SEPTIN1: variants seen among roughly 807,000 people sequenced by gnomAD.
The protein encoded by SEPTIN1 is septin-1.
In SEPTIN1, 52 loss-of-function variants were observed where a neutral mutation model predicts 50.7. That is an observed-to-expected ratio of 1.03 (90% CI 0.82 to 1.29). SEPTIN1 has a LOEUF of 1.29. Ranked by LOEUF, SEPTIN1 falls within the 50% of genes most tolerant of loss-of-function variation. SEPTIN1 has a pLI of 0.00. For missense variants in SEPTIN1, 455 were observed against 490.7 expected, an observed-to-expected ratio of 0.93 and a Z score of 0.69; for synonymous variants, 204 against 189.1, an observed-to-expected ratio of 1.08 and a Z score of -0.65.
chr16:30,382,778 T>C (rs1268834135), upstream of SEPTIN1: 3 of 1,535,866 alleles, frequency 2.0e-6, no homozygotes, highest in South Asian at 2.4e-5. The surrounding 1 kb of genome is among the most constrained non-coding windows in gnomAD (Gnocchi z 4.8). Context: ...CAAGTCCCAC[T>C]GTAGCTCCAT....
At position 30,381,127 on chromosome 16, in the gene SEPTIN1, C is replaced by A. The variant is rs2049841273; in HGVS notation, c.573G>T (p.Lys191Asn). ...AAAGGTCAGAGGTCATCACTCACAC[C>A]TTCTGCTTGAGGGCCTGGGTTTCCT... is the stretch of plus-strand genomic sequence containing the variant. ...MPQETQALKQ[K>N]IRDQLKEEEI... The change falls in exon 6 of 11, where the codon AAG becomes AAT. Residue 191 changes from lysine (K) to asparagine (N), a missense_variant and splice_region_variant. Coordinates refer to ENST00000321367, the MANE Select transcript of SEPTIN1 (RefSeq NM_001365977.2). The surrounding 1 kb of genome is among the most constrained non-coding windows in gnomAD (Gnocchi z 4.3). 1.2e-6 allele frequency: 2 copies of A among 1,611,956 alleles called. No individual in the cohort carries two copies. The highest frequency in any genetic ancestry group is 1.7e-6 in the Non-Finnish European group (2 of 1,178,024).
chr16:30,379,271 C>T, intron 8 of SEPTIN1, 88 bp from the exon 9 acceptor site: 1 of 1,544,760 alleles, frequency 6.5e-7, no homozygotes, highest in Non-Finnish European at 8.9e-7. Flanking sequence ...GAAAGTCCTG[C>T]TGCCACTCTA....
Position 30,382,326 on chromosome 16 carries a change from G to T in SEPTIN1, c.58C>A (p.Leu20Met), listed in dbSNP as rs1479074865. The T allele has an allele frequency of 4.3e-6, 7 of 1,613,688 alleles. No homozygotes were observed. Among genetic ancestry groups the T allele is most frequent in the African/African-American group, 1.3e-5 (1 of 74,904 alleles). ...YVGFAALPNQ[L>M]HRKSVKKGFD... ...CCCTTCTTGACAGACTTGCGGTGCAGCTGGTTGGGGAGGGCAGCAAAACCC... is the reference window on the plus strand; with the variant it reads ...CCCTTCTTGACAGACTTGCGGTGCATCTGGTTGGGGAGGGCAGCAAAACCC... Residue 20 changes from leucine to methionine, a missense_variant, in exon 2 of 11, where the codon CTG becomes ATG. Coordinates refer to ENST00000321367, the MANE Select transcript of SEPTIN1 (RefSeq NM_001365977.2). This position sits in a 1 kb window ranked among gnomAD's most constrained non-coding sequence, Gnocchi z 4.8.
rs1384833226 is a variant in SEPTIN1, at chr16:30,379,491, C to T, written c.719G>A (p.Arg240Lys). ...CCTCACCGGCCGGTTCCCGCCATCC[C>T]TCACCACCTCGCATGATCCCACGAC... The part of the protein sequence containing the change: ...FAVVGSCEVV[R>K]DGGNRPVRGR... The change falls in exon 8 of 11, where the codon AGG (arginine) becomes AAG (lysine). Residue 240 changes from arginine (R) to lysine (K), a missense_variant. Physicochemically the swap from Arg to Lys is conservative, Grantham distance 26. Transcript: ENST00000321367. 1.2e-6 allele frequency: 2 copies of T among 1,614,004 alleles called. No individual in the cohort carries two copies. The highest frequency in any genetic ancestry group is 2.2e-5 in the East Asian group (1 of 44,880).
upstream of SEPTIN1, chr16:30,382,709 C>T (rs1301773736): frequency 5.9e-6 from 9 of 1,534,486 alleles, no homozygotes; most frequent in East Asian, 4.9e-5. This position sits in a 1 kb window ranked among gnomAD's most constrained non-coding sequence, Gnocchi z 4.8. Flanking sequence ...CTCCTGGACC[C>T]CTTTGCCCAT....
upstream of SEPTIN1, chr16:30,382,637 C>G: frequency 6.5e-7 from 1 of 1,542,324 alleles, no homozygotes; most frequent in Non-Finnish European, 8.7e-7. This position sits in a 1 kb window ranked among gnomAD's most constrained non-coding sequence, Gnocchi z 4.8. Flanking sequence ...CTGAGATGCT[C>G]AAACTGGCCC....
chr16:30,380,979 G>T, intron 6 of SEPTIN1, 148 bp downstream of exon 6: 1 of 735,426 alleles, frequency 1.4e-6, no homozygotes. Flanking sequence ...TATGCTGGCG[G>T]CTTACCACCC....
At position 30,382,043 on chromosome 16, in the gene SEPTIN1, G is replaced by A; in HGVS notation, c.196+50C>T. 6.3e-7 allele frequency: 1 copy of A among 1,586,538 alleles called. No homozygotes were observed. The highest frequency in any genetic ancestry group is 8.6e-7 in the Non-Finnish European group (1 of 1,163,212). ...GTCCCCAGATGGAAAAGACTAGGGT[G>A]TAACCTGGGGACAGGGGCTACTGCC... On this transcript the variant is annotated intron_variant, in intron 3 of 10. Coordinates refer to ENST00000321367, the MANE Select transcript of SEPTIN1 (RefSeq NM_001365977.2). The surrounding 1 kb of genome is among the most constrained non-coding windows in gnomAD (Gnocchi z 4.8).
chr16:30,378,318 C>G lies in SEPTIN1; in HGVS notation c.*116G>C, dbSNP rs1340425041. 5.8e-6 allele frequency: 6 copies of G among 1,035,356 alleles called. No homozygotes were observed. Among genetic ancestry groups the G allele is most frequent in the African/African-American group, 1.6e-5 (1 of 61,542 alleles). 64.1% of individuals were successfully genotyped at this position (1,035,356 alleles called of 1,614,324 possible). On this transcript the variant is annotated 3_prime_UTR_variant, in exon 11 of 11. Transcript: ENST00000321367. ...AGGCTGGGAGAACCTCCCCCTAGCCCGCGCGAGGGCGGCACCCGCGGAGGT... is the reference window on the plus strand; with the variant it reads ...AGGCTGGGAGAACCTCCCCCTAGCCGGCGCGAGGGCGGCACCCGCGGAGGT...
Position 30,381,498 on chromosome 16 carries a change from G to A in SEPTIN1, c.321-25C>T. 1 of 1,613,688 alleles carries A rather than the reference G, an allele frequency of 6.2e-7. No homozygotes were observed. Among genetic ancestry groups the A allele is most frequent in the Non-Finnish European group, 8.5e-7 (1 of 1,179,850 alleles). Reference sequence around the variant, plus strand: ...GCTGGGTGTGGGGAGAGGATGTGAGGTCAGAGATCAAAGGCCAGAGGGCAG... The same window carrying A: ...GCTGGGTGTGGGGAGAGGATGTGAGATCAGAGATCAAAGGCCAGAGGGCAG... On this transcript the variant is annotated intron_variant, in intron 4 of 10. Transcript: ENST00000321367. This position sits in a 1 kb window ranked among gnomAD's most constrained non-coding sequence, Gnocchi z 4.3.
In SEPTIN1 at chr16:30,381,692, G is replaced by A; in HGVS notation, c.320+68C>T. The A allele has an allele frequency of 6.3e-7, 1 of 1,595,266 alleles. No homozygotes were observed. Among genetic ancestry groups the A allele is most frequent in the East Asian group, 2.2e-5 (1 of 44,760 alleles). On this transcript the variant is annotated intron_variant, in intron 4 of 10. Coordinates refer to ENST00000321367, the MANE Select transcript of SEPTIN1 (RefSeq NM_001365977.2). The surrounding 1 kb of genome is among the most constrained non-coding windows in gnomAD (Gnocchi z 4.3). ...TGAGATAGGGAGCCAGCACAAACCA[G>A]TCCTGTAACTCTCCAGGGAGTCGCC...
Position 30,378,362 on chromosome 16 carries a change from G to T in SEPTIN1, c.*72C>A. On this transcript the variant is annotated 3_prime_UTR_variant, in exon 11 of 11. Coordinates refer to ENST00000321367, the MANE Select transcript of SEPTIN1 (RefSeq NM_001365977.2). ...CGGAGGTCCCGGGGGGCGCTGGGCA[G>T]TGTGGGGCGCGGGGATTGGACAAGA... 7.2e-7 allele frequency: 1 copy of T among 1,393,058 alleles called. No homozygotes were observed. The highest frequency in any genetic ancestry group is 9.6e-7 in the Non-Finnish European group (1 of 1,042,776). 86.3% of individuals were successfully genotyped at this position (1,393,058 alleles called of 1,614,324 possible). A position where few individuals can be genotyped will look rare whatever the true frequency, so the allele number is the denominator to read the frequency against.
chr16:30,380,370 T>G, intron 6 of SEPTIN1: 1 of 161,078 alleles, frequency 6.2e-6, no homozygotes, highest in Non-Finnish European at 1.4e-5. Context: ...GGCTCCATCT[T>G]GGTTCACTGC....
In SEPTIN1 at chr16:30,378,354, G is replaced by T. The variant is rs1033412361; in HGVS notation, c.*80C>A. 1.8e-5 allele frequency: 24 copies of T among 1,340,056 alleles called. No homozygotes were observed. The highest frequency in any genetic ancestry group is 2.3e-5 in the Non-Finnish European group (23 of 998,292). The allele number at this position is 1,340,056 out of a possible 1,614,324, so 83.0% of individuals were successfully genotyped here. On this transcript the variant is annotated 3_prime_UTR_variant, in exon 11 of 11. Coordinates refer to ENST00000321367, the MANE Select transcript of SEPTIN1 (RefSeq NM_001365977.2). ...GGCACCCGCGGAGGTCCCGGGGGGC[G>T]CTGGGCAGTGTGGGGCGCGGGGATT...
At position 30,379,929 on chromosome 16, in the gene SEPTIN1, C is replaced by T. The variant is rs769028811; in HGVS notation, c.675+3G>A. 6 of 1,484,842 alleles carry T rather than the reference C, an allele frequency of 4.0e-6. No individual in the cohort carries two copies. In the Admixed American group the frequency reaches 8.5e-5, roughly 21 times the overall value. 92.0% of individuals were successfully genotyped at this position (1,484,842 alleles called of 1,614,324 possible). ...GCCTGCCTTCCTTCTTTGTTTCCCA[C>T]ACCTTCATCTCTGCATCCTGCCTCT... is the stretch of plus-strand genomic sequence containing the variant. On this transcript the variant is annotated splice_donor_region_variant and intron_variant, in intron 7 of 10. Transcript: ENST00000321367.
rs910666163 is a variant in SEPTIN1, at chr16:30,382,356, A to G, written c.28T>C (p.Tyr10His). The change falls in exon 2 of 11, where the codon TAC (tyrosine) becomes CAC (histidine). Residue 10 changes from tyrosine to histidine, a missense_variant. By Grantham distance (83) the Tyr-to-His change is moderately conservative. Coordinates refer to ENST00000321367, the MANE Select transcript of SEPTIN1 (RefSeq NM_001365977.2). This position sits in a 1 kb window ranked among gnomAD's most constrained non-coding sequence, Gnocchi z 4.8. ...TTGGGGAGGGCAGCAAAACCCACGT[A>G]CTCCTTGTCCTATGGATGGGGGTGG... MAGGVMDKEYVGFAALPNQL... is the reference protein window; with the variant it reads MAGGVMDKEHVGFAALPNQL... 5 of 1,611,692 alleles carry G rather than the reference A, an allele frequency of 3.1e-6. No individual in the cohort carries two copies. The highest frequency in any genetic ancestry group is 3.4e-6 in the Non-Finnish European group (4 of 1,178,802).
Position 30,381,567 on chromosome 16 carries a change from T to C in SEPTIN1, c.321-94A>G. 1 of 1,538,212 alleles carries C rather than the reference T, an allele frequency of 6.5e-7. No homozygotes were observed. Among genetic ancestry groups the C allele is most frequent in the Non-Finnish European group, 8.9e-7 (1 of 1,121,658 alleles). ...ACTGTGGGAGTAGAATGTCATTTCT[T>C]TGGCTCCCTCCAAAGACATTAAGGG... On this transcript the variant is annotated intron_variant, in intron 4 of 10. Coordinates refer to ENST00000321367, the MANE Select transcript of SEPTIN1 (RefSeq NM_001365977.2). The surrounding 1 kb of genome is among the most constrained non-coding windows in gnomAD (Gnocchi z 4.3).
rs1183714580 is a variant in SEPTIN1, at chr16:30,380,776, A to G, written c.573+351T>C. The G allele has an allele frequency of 4.8e-5, 14 of 291,506 alleles. No homozygotes were observed. The Admixed American group carries it at 5.7e-4, about 12-fold the overall frequency. 18.1% of individuals were successfully genotyped at this position (291,506 alleles called of 1,614,324 possible). A position where few individuals can be genotyped will look rare whatever the true frequency, so the allele number is the denominator to read the frequency against. On this transcript the variant is annotated intron_variant, in intron 6 of 10. Coordinates refer to ENST00000321367, the MANE Select transcript of SEPTIN1 (RefSeq NM_001365977.2). Reference sequence around the variant, plus strand: ...CAGAGTGAGACTCTATCTAAAAAAAAAAAGAGAGAGAAAGAGAGGCCGAGA... The same window carrying G: ...CAGAGTGAGACTCTATCTAAAAAAAGAAAGAGAGAGAAAGAGAGGCCGAGA...
Position 30,379,022 on chromosome 16 carries a change from G to T in SEPTIN1, c.937C>A (p.Arg313Ser). 2 of 1,612,742 alleles carry T rather than the reference G, an allele frequency of 1.2e-6. No individual in the cohort carries two copies. The highest frequency in any genetic ancestry group is 1.7e-6 in the Non-Finnish European group (2 of 1,179,740). ...ARPGARDRASRSKLSRQSATE... is the reference protein window; with the variant it reads ...ARPGARDRASSSKLSRQSATE... ...ACTGTCCGCCCCGGGTCTCACCTGC[G>T]GCTGGCTCGATCGCGAGCCCCAGGC... Residue 313 changes from arginine to serine, a missense_variant, in exon 9 of 11, where the codon CGC (arginine) becomes AGC (serine). By Grantham distance (110) the Arg-to-Ser change is moderately radical. Coordinates refer to ENST00000321367, the MANE Select transcript of SEPTIN1 (RefSeq NM_001365977.2).
Sources: allele counts gnomAD v4.1 joint callset, GRCh38; gene constraint gnomAD v4.1.1; non-coding constraint Gnocchi (gnomAD v3.1); transcripts MANE v1.5; gene names NCBI Gene and HGNC (gene_info 2026-07-23, HGNC 2026-07-21).